Variants in SNX25 observed in about 807,000 individuals in gnomAD.
The protein encoded by SNX25 is sorting nexin 25, also known as sorting nexin-25.
In SNX25, 62 loss-of-function variants were observed where a neutral mutation model predicts 113.7. The observed-to-expected ratio is 0.55, with a 90% CI of 0.44 to 0.67. The LOEUF (loss-of-function observed/expected upper bound fraction) is 0.67, where lower values mean the gene tolerates loss of function less well. Ranked by LOEUF, SNX25 falls within the 30% of genes least tolerant of loss-of-function variation. SNX25 has a pLI of 0.00. For synonymous variants in SNX25, 421 were observed against 436.2 expected (o/e 0.97, Z 0.43); for missense variants, 1,014 against 1,161.0 (o/e 0.87, Z 1.84).
intron 1 of SNX25, among the ~76,000 whole-genome samples, chr4:185,215,350 G>T (rs999510827): frequency 2.0e-5 from 3 of 152,204 alleles, no homozygotes; most frequent in Admixed American, 2.0e-4. Context: ...CAGTAGATTA[G>T]ACCCACAGGG....
chr4:185,376,443 C>CTTTTTTTATT, the SNX25 span, among the ~76,000 whole-genome samples: 1 of 105,824 alleles, frequency 9.4e-6, no homozygotes, highest in Non-Finnish European at 1.8e-5. Flanking sequence ...TGCCCAGCTA[C>CTTTTTTTATT]TTTTTTTTTT....
chr4:185,204,892 ACTTAATAC>A (rs377569025), upstream of SNX25, among the ~76,000 whole-genome samples: 18 of 152,338 alleles, frequency 1.2e-4, 1 homozygote, highest in African/African-American at 4.1e-4. Flanking sequence ...TTGATTTTAG[ACTTAATAC>A]CTTAAGCACT....
At chr4:185,249,641 TTTAGA>T (rs1375779731) in intron 2 of SNX25, among the ~76,000 whole-genome samples, 1 of 151,638 alleles carries the variant, frequency 6.6e-6, no homozygotes, top group Admixed American at 6.6e-5. Context: ...CTCTCTGTTC[TTTAGA>T]TAGATAGGAT....
intron 5 of SNX25, among the ~76,000 whole-genome samples, chr4:185,276,356 A>C (rs1321396477): frequency 6.6e-6 from 1 of 152,248 alleles, no homozygotes; most frequent in African/African-American, 2.4e-5. Flanking sequence ...AACAGTGATC[A>C]ATTTCTAGTG....
intron 1 of SNX25, among the ~76,000 whole-genome samples, chr4:185,228,383 G>T (rs1741328931): frequency 2.0e-5 from 3 of 152,052 alleles, no homozygotes; most frequent in Admixed American, 2.0e-4. Flanking sequence ...TTTAGTAGGA[G>T]ATAAAAATGG....
In SNX25 at chr4:185,323,588, A is replaced by G. The variant is rs752319958; in HGVS notation, c.1537A>G (p.Ile513Val). 22 of 1,613,238 alleles carry G rather than the reference A, an allele frequency of 1.4e-5. No homozygotes were observed. In the South Asian group the frequency reaches 2.2e-4, roughly 16 times the overall value. Residue 513 changes from isoleucine (I) to valine (V), a missense_variant, in exon 9 of 19, where the codon ATA (isoleucine) becomes GTA (valine). Ile to Val is a conservative substitution (Grantham distance 29). Coordinates refer to ENST00000652585, the MANE Select transcript of SNX25 (RefSeq NM_001378034.2). ...YQNFFVESKE[I>V]SVEKSLYKEI... ...GAATTTCTTTGTGGAGAGCAAAGAA[A>G]TATCTGTGGAAAAATCACTTTACAA...
In SNX25 at chr4:185,286,617, A is replaced by G. The variant is rs76052561; in HGVS notation, c.1092-1395A>G. 8.6e-3 allele frequency among the ~76,000 whole-genome samples: 1,311 copies of G among 152,312 alleles called. 16 individuals are homozygous for G. The highest frequency in any genetic ancestry group is 0.029 in the African/African-American group (1,218 of 41,562). On this transcript the variant is annotated intron_variant, in intron 5 of 18. Transcript: ENST00000652585. ...AAGGCTAGAATGGTATCACCTGGCC[A>G]TCTCTGACTGCTGGGAAGAAAGCTA...
intron 1 of SNX25, among the ~76,000 whole-genome samples, chr4:185,221,557 C>A (rs935327995): frequency 6.6e-6 from 1 of 152,080 alleles, no homozygotes; most frequent in Non-Finnish European, 1.5e-5. Context: ...ACTGTAACAA[C>A]CTTTCAATTG....
intron 11 of SNX25, 129 bp downstream of exon 11, chr4:185,339,639 C>T (rs2126720560): frequency 1.7e-6 from 2 of 1,178,088 alleles, no homozygotes; most frequent in South Asian, 3.3e-5. Flanking sequence ...ATTTGTCCTA[C>T]CTTCCTTCCC....
chr4:185,237,416 TAC>T (rs1279102234), intron 1 of SNX25, among the ~76,000 whole-genome samples: 1 of 152,182 alleles, frequency 6.6e-6, no homozygotes, highest in Admixed American at 6.5e-5. Context: ...AAGGCAAAAA[TAC>T]TTCAAGAATT....
chr4:185,300,172 T>G (rs1174791286), intron 6 of SNX25, among the ~76,000 whole-genome samples: 2 of 152,106 alleles, frequency 1.3e-5, no homozygotes, highest in East Asian at 3.9e-4. Context: ...AATTTTTTTT[T>G]TTTTTGAGGT....
intron 8 of SNX25, among the ~76,000 whole-genome samples, chr4:185,321,483 G>A (rs969053772): frequency 9.9e-5 from 15 of 151,850 alleles, no homozygotes; most frequent in South Asian, 2.1e-4. Flanking sequence ...GACTGGTCGC[G>A]AACTCCTGAC....
rs1262679874 is a variant in SNX25 at position 185,282,998 on chromosome 4, CAAG to C, written c.1092-5011_1092-5009del. ...TTGTATAGTTTTGTTGAGAAAAAAA[CAAG>C]AATGAGAAAGTCAATCATTTCCTCT... is the stretch of plus-strand genomic sequence containing the variant. On this transcript the variant is annotated intron_variant, in intron 5 of 18. Coordinates refer to ENST00000652585, the MANE Select transcript of SNX25 (RefSeq NM_001378034.2). Among the ~76,000 whole-genome samples the C allele has an allele frequency of 2.0e-5, 3 of 152,240 alleles. No individual in the cohort carries two copies. In the East Asian group the frequency reaches 5.8e-4, roughly 29 times the overall value.
intron 13 of SNX25, among the ~76,000 whole-genome samples, chr4:185,347,430 T>TG (rs1414997556): frequency 6.6e-6 from 1 of 152,048 alleles, no homozygotes; most frequent in Non-Finnish European, 1.5e-5. Context: ...TCATTGTGTT[T>TG]GGGGGGTTTG....
Position 185,258,813 on chromosome 4 carries a change from T to C in SNX25, c.515-35T>C, listed in dbSNP as rs368428396. 3.2e-6 allele frequency: 5 copies of C among 1,553,948 alleles called. No homozygotes were observed. In the African/African-American group the frequency reaches 5.4e-5, roughly 17 times the overall value. ...GCAGTCTTGGTGTTTGCTTCTTTCA[T>C]TTGTTTTACTCATTGCTTTGTTTAT... On this transcript the variant is annotated intron_variant, in intron 2 of 18. Coordinates refer to ENST00000652585, the MANE Select transcript of SNX25 (RefSeq NM_001378034.2).
intron 6 of SNX25, among the ~76,000 whole-genome samples, chr4:185,288,719 G>A (rs1399013422): frequency 6.6e-6 from 1 of 152,092 alleles, no homozygotes; most frequent in Non-Finnish European, 1.5e-5. Context: ...AATAATTAAG[G>A]TGTGAGGATG....
chr4:185,371,401 G>A (rs1254291736), downstream of SNX25, among the ~76,000 whole-genome samples: 2 of 152,050 alleles, frequency 1.3e-5, no homozygotes, highest in Admixed American at 6.5e-5. Flanking sequence ...AATTAGCTGG[G>A]CATGGTAGCG....
chr4:185,374,588 A>C, downstream of SNX25: 1 of 987,528 alleles, frequency 1.0e-6, no homozygotes, highest in Non-Finnish European at 1.5e-6. Context: ...ATCTGTGCCC[A>C]AGGGGTACAA....
At chr4:185,378,491 T>C in the SNX25 span, 1 of 1,129,620 alleles carries the variant, frequency 8.9e-7, no homozygotes, top group Non-Finnish European at 1.1e-6. Flanking sequence ...TACATCAAGA[T>C]GGGTCAAGTC....
Sources: gnomAD v4.1 joint callset for allele counts (sites outside exome capture counted in the v4.1 genomes callset) on GRCh38, gnomAD v4.1.1 for gene constraint, MANE v1.5 for transcripts, NCBI Gene and HGNC (gene_info 2026-07-23, HGNC 2026-07-21) for gene names.